SPHKAP: variants seen among roughly 807,000 people sequenced by gnomAD.
SPHKAP encodes SPHK1 interactor, AKAP domain containing.
A neutral mutation model predicts 137.5 loss-of-function variants in SPHKAP; 67 were observed. The observed-to-expected ratio is 0.49, with a 90% CI of 0.40 to 0.60. The LOEUF is 0.60. Ranked by LOEUF, SPHKAP falls within the 20% of genes least tolerant of loss-of-function variation. The pLI, the probability that SPHKAP is intolerant of heterozygous loss-of-function variation, is 0.00. For missense variants in SPHKAP, 2,097 were observed against 2,069.3 expected, an observed-to-expected ratio of 1.01 and a Z score of -0.26; for synonymous variants, 813 against 785.3, an observed-to-expected ratio of 1.04 and a Z score of -0.59.
At chr2:228,177,154 G>C (rs1356429992) in intron 1 of SPHKAP, among the ~76,000 whole-genome samples, 1 of 151,616 alleles carries the variant, frequency 6.6e-6, no homozygotes, top group African/African-American at 2.4e-5. Flanking sequence ...CATAAAACTT[G>C]CCAGTATCTG....
chr2:227,980,717 C>T lies in SPHKAP; in HGVS notation c.*1000G>A, dbSNP rs1371150399. On this transcript the variant is annotated 3_prime_UTR_variant, in exon 12 of 12. Transcript: ENST00000392056. ...TCTGTCATTATAAATGTCACTGGAG[C>T]GGCATGTCTGCTGTACAGGTAGCAG... The T allele has an allele frequency of 3.9e-5, 6 of 152,034 alleles. No homozygotes were observed. The highest frequency in any genetic ancestry group is 7.4e-5 in the Non-Finnish European group (5 of 68,024). 9.4% of individuals were successfully genotyped at this position (152,034 alleles called of 1,614,324 possible).
chr2:228,156,259 C>G (rs1217452341), intron 1 of SPHKAP, among the ~76,000 whole-genome samples: 1 of 152,110 alleles, frequency 6.6e-6, no homozygotes, highest in Non-Finnish European at 1.5e-5. Flanking sequence ...ATTAGTGTTC[C>G]TAATGTACTG....
chr2:228,016,322 T>C, intron 7 of SPHKAP, 84 bp downstream of exon 7: 1 of 1,486,424 alleles, frequency 6.7e-7, no homozygotes, highest in Non-Finnish European at 8.9e-7. Context: ...TCAAATCCTT[T>C]ATGTCTAAAA....
rs1033961646 is a variant in SPHKAP at position 228,142,832 on chromosome 2, T to C, written c.33-10747A>G. Among the ~76,000 whole-genome samples the C allele has an allele frequency of 2.6e-5, 4 of 152,290 alleles. No individual in the cohort carries two copies. The South Asian group carries it at 8.3e-4, about 32-fold the overall frequency. ...TTTATCTATATAACAAACCTTCACA[T>C]GTACCCCCTAACCTAAAATAAAAGT... On this transcript the variant is annotated intron_variant, in intron 1 of 11. Transcript: ENST00000392056.
chr2:227,989,024 T>C (rs185703658), intron 11 of SPHKAP, among the ~76,000 whole-genome samples: 1 of 152,260 alleles, frequency 6.6e-6, no homozygotes, highest in East Asian at 1.9e-4. Context: ...GAATTAGGTC[T>C]CCTTTTCAAT....
At chr2:228,022,427 ACTTT>A (rs1694877181) in intron 5 of SPHKAP, among the ~76,000 whole-genome samples, 2 of 152,134 alleles carry the variant, frequency 1.3e-5, no homozygotes, top group African/African-American at 4.8e-5. Context: ...GAAACAGTAA[ACTTT>A]CTTGTATCTT....
chr2:228,019,158 T>C lies in SPHKAP; in HGVS notation c.1696A>G (p.Ser566Gly), dbSNP rs1694737546. Residue 566 changes from serine (S) to glycine (G), a missense_variant, in exon 7 of 12, where the codon AGT (serine) becomes GGT (glycine). Transcript: ENST00000392056. ...CCCAGACCACAGACAGCCACGGCAC[T>C]GGCCACCTGAGTCATGCCACACAAA... ...SALCGMTQVA[S>G]AVAVCGLGER... The C allele has an allele frequency of 3.1e-6, 5 of 1,613,752 alleles. No homozygotes were observed. Among genetic ancestry groups the C allele is most frequent in the Middle Eastern group, 3.3e-4 (2 of 6,084 alleles).
intron 3 of SPHKAP, among the ~76,000 whole-genome samples, chr2:228,045,662 T>A (rs1159996447): frequency 1.3e-5 from 2 of 151,820 alleles, no homozygotes; most frequent in East Asian, 3.9e-4. Context: ...GACGAGTTAA[T>A]GGGTGCAGCA....
intron 3 of SPHKAP, among the ~76,000 whole-genome samples, chr2:228,105,054 G>C (rs1190801697): frequency 2.0e-5 from 3 of 152,074 alleles, no homozygotes; most frequent in Non-Finnish European, 4.4e-5. Context: ...CTGCAGCCTT[G>C]AACTCTTGAA....
intron 3 of SPHKAP, among the ~76,000 whole-genome samples, chr2:228,061,203 C>T (rs915967114): frequency 2.6e-5 from 4 of 152,040 alleles, no homozygotes; most frequent in East Asian, 1.9e-4. Context: ...ATGGCAGGAT[C>T]GGGGATAAGA....
intron 2 of SPHKAP, among the ~76,000 whole-genome samples, chr2:228,111,746 G>A (rs1421744924): frequency 6.6e-6 from 1 of 151,990 alleles, no homozygotes; most frequent in Non-Finnish European, 1.5e-5. Context: ...TGAAAATGAA[G>A]ACCTTGAGTC....
chr2:228,002,781 C>A (rs982226725), intron 7 of SPHKAP, among the ~76,000 whole-genome samples: 1 of 152,192 alleles, frequency 6.6e-6, no homozygotes, highest in Non-Finnish European at 1.5e-5. Flanking sequence ...CAGCTTTCTA[C>A]ATATGGCTAG....
intron 3 of SPHKAP, among the ~76,000 whole-genome samples, chr2:228,088,250 T>G (rs1213299887): frequency 6.6e-6 from 1 of 152,190 alleles, no homozygotes; most frequent in Non-Finnish European, 1.5e-5. Flanking sequence ...CTGTTGAATT[T>G]GGAATATATA....
chr2:227,993,714 T>G (rs2106165317), intron 8 of SPHKAP, 94 bp from the exon 9 acceptor site: 1 of 1,123,298 alleles, frequency 8.9e-7, no homozygotes, highest in South Asian at 1.3e-5. Flanking sequence ...CTCCTTCCTT[T>G]GGTCCCCAGA....
chr2:228,030,250 T>C (rs1258556705), intron 3 of SPHKAP, among the ~76,000 whole-genome samples: 5 of 149,736 alleles, frequency 3.3e-5, no homozygotes, highest in Non-Finnish European at 7.4e-5. Flanking sequence ...GTACGGTGGC[T>C]CACGCCTGTA....
chr2:228,146,588 C>A (rs1249643568), intron 1 of SPHKAP, among the ~76,000 whole-genome samples: 2 of 152,128 alleles, frequency 1.3e-5, no homozygotes, highest in African/African-American at 4.8e-5. Flanking sequence ...AAATTAACAC[C>A]ATTGGCTGTT....
chr2:228,048,121 G>A (rs1235845269), intron 3 of SPHKAP, among the ~76,000 whole-genome samples: 1 of 152,074 alleles, frequency 6.6e-6, no homozygotes, highest in Non-Finnish European at 1.5e-5. Flanking sequence ...GGGCTGAAGG[G>A]GACACCATGC....
intron 1 of SPHKAP, among the ~76,000 whole-genome samples, chr2:228,142,471 C>CAA (rs112561589): frequency 5.0e-4 from 59 of 118,678 alleles, no homozygotes; most frequent in Middle Eastern, 9.7e-3. Flanking sequence ...GACTCCATCT[C>CAA]AAAAAAAAAA....
intron 1 of SPHKAP, among the ~76,000 whole-genome samples, chr2:228,175,856 A>C (rs1177285739): frequency 6.6e-6 from 1 of 152,190 alleles, no homozygotes; most frequent in African/African-American, 2.4e-5. Flanking sequence ...AAGACAGGAT[A>C]TCTATGCTAA....
Sources: allele counts gnomAD v4.1 joint callset (sites outside exome capture counted in the v4.1 genomes callset), GRCh38; gene constraint gnomAD v4.1.1; transcripts MANE v1.5; gene names NCBI Gene and HGNC (gene_info 2026-07-23, HGNC 2026-07-21).